The following NFATC2 variants were observed in gnomAD, a reference collection of about 807,000 sequenced individuals.
NFATC2 encodes nuclear factor of activated T-cells, cytoplasmic 2.
In NFATC2, 22 loss-of-function variants were observed where a neutral mutation model predicts 87.3. The observed-to-expected ratio is 0.25, with a 90% CI of 0.18 to 0.36. The LOEUF (loss-of-function observed/expected upper bound fraction) is 0.36. NFATC2 is among the 10% of genes least tolerant of loss of function. The probability of loss-of-function intolerance (pLI) is 1.00; values close to 1 mark genes in which losing one functional copy is unlikely to be tolerated. For missense variants in NFATC2, 1,149 were observed against 1,259.1 expected, an observed-to-expected ratio of 0.91 and a Z score of 1.32; for synonymous variants, 565 against 542.2, an observed-to-expected ratio of 1.04 and a Z score of -0.58.
chr20:51,424,809 A>G (rs1242231401), intron 9 of NFATC2, among the ~76,000 whole-genome samples: 1 of 152,076 alleles, frequency 6.6e-6, no homozygotes, highest in African/African-American at 2.4e-5. Flanking sequence ...AAAGGGGAAA[A>G]TAAGAATACA....
At chr20:51,550,585 C>T (rs2076924778) in intron 1 of NFATC2, among the ~76,000 whole-genome samples, 1 of 151,884 alleles carries the variant, frequency 6.6e-6, no homozygotes, top group Non-Finnish European at 1.5e-5. Context: ...GAGCGAAACT[C>T]CATCTCAAAT....
intron 3 of NFATC2, among the ~76,000 whole-genome samples, chr20:51,499,926 C>A (rs2076051323): frequency 6.6e-6 from 1 of 152,170 alleles, no homozygotes; most frequent in African/African-American, 2.4e-5. Context: ...TAATGTCTGG[C>A]CTATTGTACA....
chr20:51,476,692 A>G (rs1186325188), intron 3 of NFATC2, among the ~76,000 whole-genome samples: 2 of 152,234 alleles, frequency 1.3e-5, no homozygotes, highest in African/African-American at 4.8e-5. Context: ...CGCTTGGCAC[A>G]TAGTAGGCAT....
chr20:51,491,534 T>C (rs2075883417), intron 3 of NFATC2, among the ~76,000 whole-genome samples: 2 of 152,076 alleles, frequency 1.3e-5, no homozygotes, highest in African/African-American at 4.8e-5. Context: ...GTGGCTGATT[T>C]CCAGCTCCCG....
intron 5 of NFATC2, among the ~76,000 whole-genome samples, chr20:51,461,112 C>T (rs1260750735): frequency 2.6e-5 from 4 of 152,172 alleles, no homozygotes; most frequent in African/African-American, 7.2e-5. Flanking sequence ...CTGAAGCCAG[C>T]GCACAGCAGC....
intron 3 of NFATC2, among the ~76,000 whole-genome samples, chr20:51,479,282 A>C (rs549296723): frequency 6.6e-6 from 1 of 152,332 alleles, no homozygotes; most frequent in South Asian, 2.1e-4. Context: ...CTATTTTGTT[A>C]GCATGGTCAA....
At chr20:51,520,579 G>A (rs2076428355) in intron 2 of NFATC2, among the ~76,000 whole-genome samples, 1 of 151,748 alleles carries the variant, frequency 6.6e-6, no homozygotes, top group African/African-American at 2.4e-5. Context: ...AAAAGAGAAG[G>A]AAAGCAGGAA....
chr20:51,548,429 G>A (rs2076907044), intron 1 of NFATC2, among the ~76,000 whole-genome samples: 1 of 152,154 alleles, frequency 6.6e-6, no homozygotes, highest in African/African-American at 2.4e-5. Flanking sequence ...TCACTTGAAT[G>A]CAGTCCCCAC....
At chr20:51,441,632 G>T (rs919408458) in intron 6 of NFATC2, among the ~76,000 whole-genome samples, 4 of 141,630 alleles carry the variant, frequency 2.8e-5, no homozygotes, top group Non-Finnish European at 4.6e-5. Flanking sequence ...CAGGAGAATC[G>T]CTTGAACCGG....
intron 9 of NFATC2, among the ~76,000 whole-genome samples, chr20:51,420,869 C>T (rs796377563): frequency 2.0e-4 from 31 of 151,924 alleles, no homozygotes; most frequent in East Asian, 1.5e-3. Flanking sequence ...TATTTCTACA[C>T]GAAATTATAG....
At chr20:51,489,187 CAA>C (rs11447620) in intron 3 of NFATC2, among the ~76,000 whole-genome samples, 1 of 151,840 alleles carries the variant, frequency 6.6e-6, no homozygotes, top group Admixed American at 6.6e-5. Context: ...GAGACTGTCT[CAA>C]AAAAAAGAAG....
intron 5 of NFATC2, among the ~76,000 whole-genome samples, chr20:51,459,629 G>A (rs6126236): frequency 6.6e-6 from 1 of 152,162 alleles, no homozygotes; most frequent in Non-Finnish European, 1.5e-5. Flanking sequence ...TGTAATCCCA[G>A]CACTTTGGGA....
At position 51,523,655 on chromosome 20, in the gene NFATC2, C is replaced by T. The variant is rs1390884615; in HGVS notation, c.586G>A (p.Gly196Ser). The T allele has an allele frequency of 1.2e-6, 2 of 1,613,810 alleles. No homozygotes were observed. Among genetic ancestry groups the T allele is most frequent in the Non-Finnish European group, 1.7e-6 (2 of 1,179,856 alleles). Residue 196 changes from glycine (G) to serine (S), a missense_variant, in exon 2 of 11, where the codon GGC (glycine) becomes AGC (serine). Physicochemically the swap from Gly to Ser is moderately conservative, Grantham distance 56. Transcript: ENST00000371564. The surrounding 1 kb of genome is among the most constrained non-coding windows in gnomAD (Gnocchi z 6.9). ...TGCGGACACAGGTCGTCGGGCCCGC[C>T]GTTATTGGGCGAGACGCAGGGCGAG... ...YTSPCVSPNN[G>S]GPDDLCPQFQ...
chr20:51,535,891 T>G (rs1282378455), intron 1 of NFATC2, among the ~76,000 whole-genome samples: 1 of 152,142 alleles, frequency 6.6e-6, no homozygotes, highest in African/African-American at 2.4e-5. Context: ...TTCCAAAACC[T>G]CAGATTACAA....
intron 6 of NFATC2, among the ~76,000 whole-genome samples, chr20:51,444,795 A>T (rs1984834832): frequency 6.6e-6 from 1 of 152,200 alleles, no homozygotes; most frequent in South Asian, 2.1e-4. Context: ...CCCTGGAAGC[A>T]TGGGCTTAAT....
At chr20:51,450,742 A>C (rs1410169690) in intron 6 of NFATC2, among the ~76,000 whole-genome samples, 1 of 152,168 alleles carries the variant, frequency 6.6e-6, no homozygotes, top group Non-Finnish European at 1.5e-5. Flanking sequence ...CACACACGGA[A>C]AGTGGCAGGC....
intron 1 of NFATC2, among the ~76,000 whole-genome samples, chr20:51,536,681 G>A (rs1353122020): frequency 6.6e-6 from 1 of 152,172 alleles, no homozygotes; most frequent in Non-Finnish European, 1.5e-5. Flanking sequence ...AGGGAAGAGT[G>A]AGTGAGGCAA....
intron 9 of NFATC2, among the ~76,000 whole-genome samples, chr20:51,410,899 CTG>C (rs1490780536): frequency 2.6e-5 from 4 of 152,094 alleles, no homozygotes. Context: ...CCTTACTAGA[CTG>C]TATGAACCAC....
At chr20:51,407,769 G>A (rs771147586) in intron 9 of NFATC2, among the ~76,000 whole-genome samples, 2 of 152,230 alleles carry the variant, frequency 1.3e-5, no homozygotes, top group African/African-American at 2.4e-5. Context: ...GGGTCAGGAC[G>A]AGAACCGTGG....
Sources: gnomAD v4.1 joint callset for allele counts (sites outside exome capture counted in the v4.1 genomes callset) on GRCh38, gnomAD v4.1.1 for gene constraint, Gnocchi (gnomAD v3.1) non-coding constraint, MANE v1.5 for transcripts, NCBI Gene and HGNC (gene_info 2026-07-23, HGNC 2026-07-21) for gene names.